WASHC5: variants seen among roughly 807,000 people sequenced by gnomAD.
WASHC5 encodes the protein WASH complex subunit 5, also known as WASH complex subunit strumpellin.
WASHC5 carries 101 observed loss-of-function variants against 150.4 expected under a neutral mutation model. That is an observed-to-expected ratio of 0.67 (90% CI 0.57 to 0.79). The LOEUF is 0.79. Ranked by LOEUF, WASHC5 falls within the 30% of genes least tolerant of loss-of-function variation. The probability of loss-of-function intolerance (pLI) is 0.00; values close to 1 mark genes in which losing one functional copy is unlikely to be tolerated. For synonymous variants in WASHC5, 467 were observed against 491.2 expected (o/e 0.95, Z 0.65); for missense variants, 1,195 against 1,396.3 (o/e 0.86, Z 2.30).
At chr8:125,082,986 A>C in intron 3 of WASHC5, 127 bp downstream of exon 3, 1 of 659,198 alleles carries the variant, frequency 1.5e-6, no homozygotes, top group Non-Finnish European at 2.6e-6. Flanking sequence ...GGAAAAGACA[A>C]CTATATACAG....
chr8:125,033,191 T>C lies in WASHC5; in HGVS notation c.3182-797A>G, dbSNP rs140165024. Among the ~76,000 whole-genome samples the C allele has an allele frequency of 1.6e-3, 247 of 152,264 alleles. 2 individuals carry two copies. The highest frequency in any genetic ancestry group is 5.4e-3 in the African/African-American group (226 of 41,540). ...ACACAATGTTGAAAAAGAACAGTGT[T>C]GGGAAGGTTTAGGTTGCCTGATTTC... On this transcript the variant is annotated intron_variant, in intron 26 of 28. Coordinates refer to ENST00000318410, the MANE Select transcript of WASHC5 (RefSeq NM_014846.4).
intron 17 of WASHC5, among the ~76,000 whole-genome samples, chr8:125,054,225 G>A (rs879132539): frequency 1.3e-5 from 2 of 152,136 alleles, no homozygotes; most frequent in Non-Finnish European, 2.9e-5. Flanking sequence ...ATTCTATGCA[G>A]CAGTAAAAAG....
chr8:125,086,173 A>G (rs759916615), intron 1 of WASHC5, among the ~76,000 whole-genome samples: 7 of 152,104 alleles, frequency 4.6e-5, no homozygotes, highest in Non-Finnish European at 1.0e-4. Context: ...AAACAACCAC[A>G]TTTATTTTGT....
chr8:125,061,866 T>A (rs78106685), intron 11 of WASHC5, among the ~76,000 whole-genome samples: 4,004 of 152,312 alleles, frequency 0.026, 182 homozygotes, highest in African/African-American at 0.092. Context: ...GTTAGCCATT[T>A]CCCAGATAAA....
At chr8:125,058,913 C>T (rs1816499469) in intron 14 of WASHC5, among the ~76,000 whole-genome samples, 2 of 151,916 alleles carry the variant, frequency 1.3e-5, no homozygotes, top group Admixed American at 1.3e-4. Context: ...TTAATTCATG[C>T]CTAGGGAATA....
chr8:125,038,302 C>T (rs1815778125), intron 25 of WASHC5, among the ~76,000 whole-genome samples: 2 of 152,228 alleles, frequency 1.3e-5, no homozygotes, highest in South Asian at 4.1e-4. Context: ...TGAATGTTTA[C>T]AGTAAGGAGG....
chr8:125,072,597 C>A (rs1816931915), intron 9 of WASHC5, among the ~76,000 whole-genome samples: 1 of 152,092 alleles, frequency 6.6e-6, no homozygotes, highest in South Asian at 2.1e-4. Flanking sequence ...TGGTTCTGAA[C>A]TCCTGGGCTC....
In WASHC5 at chr8:125,049,064, A is replaced by C; in HGVS notation, c.2321T>G (p.Val774Gly). 6.2e-7 allele frequency: 1 copy of C among 1,613,986 alleles called. No individual in the cohort carries two copies. Among genetic ancestry groups the C allele is most frequent in the Middle Eastern group, 1.6e-4 (1 of 6,062 alleles). Reference sequence around the variant, plus strand: ...CACGTTGTAATTTATGATACGAGATACTTCTTCCTGCCAAATCTTCAGACC... The same window carrying C: ...CACGTTGTAATTTATGATACGAGATCCTTCTTCCTGCCAAATCTTCAGACC... ...IYGLKIWQEE[V>G]SRIINYNVEQ... The change falls in exon 19 of 29, where the codon GTA becomes GGA. Residue 774 changes from valine (V) to glycine (G), a missense_variant. Physicochemically the swap from Val to Gly is moderately radical, Grantham distance 109. This residue lies in a region of WASHC5 where 997 missense variants were observed against 1,168.1 expected (regional missense o/e 0.85). Transcript: ENST00000318410.
At chr8:125,085,514 A>G (rs2130229650) in intron 1 of WASHC5, among the ~76,000 whole-genome samples, 1 of 152,336 alleles carries the variant, frequency 6.6e-6, no homozygotes, top group African/African-American at 2.4e-5. Context: ...AAGCCAAGTA[A>G]CAAGGAAAAG....
rs1222304839 is a variant in WASHC5 at position 125,035,756 on chromosome 8, G to A, written c.3181+1481C>T. ...CTAGAATCAATGATTACTTTTGAAT[G>A]AGAGAATAAAAACATTAAAGAGATT... is the stretch of plus-strand genomic sequence containing the variant. On this transcript the variant is annotated intron_variant, in intron 26 of 28. Transcript: ENST00000318410. 2.0e-5 allele frequency among the ~76,000 whole-genome samples: 3 copies of A among 151,654 alleles called. No homozygotes were observed. The East Asian group carries it at 5.8e-4, about 29-fold the overall frequency.
intron 7 of WASHC5, among the ~76,000 whole-genome samples, chr8:125,075,475 T>TA (rs765431444): frequency 1.3e-5 from 2 of 152,230 alleles, no homozygotes; most frequent in African/African-American, 2.4e-5. Context: ...GTGTGTATCT[T>TA]ACAGGTTTCA....
intron 26 of WASHC5, among the ~76,000 whole-genome samples, chr8:125,036,918 C>T (rs1815724719): frequency 6.6e-6 from 1 of 152,116 alleles, no homozygotes; most frequent in African/African-American, 2.4e-5. Context: ...GAGGCTGAGG[C>T]AGGAGAATCG....
At chr8:125,036,971 C>T (rs1241920605) in intron 26 of WASHC5, among the ~76,000 whole-genome samples, 1 of 152,106 alleles carries the variant, frequency 6.6e-6, no homozygotes, top group East Asian at 1.9e-4. Flanking sequence ...TGAGACCACG[C>T]CATCGCGCTC....
chr8:125,082,091 TTAGTATGTAC>T (rs1458355451), intron 4 of WASHC5, among the ~76,000 whole-genome samples: 6 of 152,212 alleles, frequency 3.9e-5, no homozygotes, highest in African/African-American at 1.4e-4. Flanking sequence ...TCTTAAATGG[TTAGTATGTAC>T]TAGGTATCAG....
intron 14 of WASHC5, among the ~76,000 whole-genome samples, chr8:125,058,722 CA>C (rs760777607): frequency 2.5e-4 from 33 of 130,192 alleles, no homozygotes; most frequent in South Asian, 2.5e-4. Flanking sequence ...GATTCCATCT[CA>C]AAAAAAAAAA....
At chr8:125,036,877 G>T (rs549737824) in intron 26 of WASHC5, among the ~76,000 whole-genome samples, 2 of 152,182 alleles carry the variant, frequency 1.3e-5, no homozygotes, top group South Asian at 4.1e-4. Flanking sequence ...GATGGGCGTG[G>T]TAGTACGTGC....
At chr8:125,062,206 C>T (rs1202970851) in intron 11 of WASHC5, among the ~76,000 whole-genome samples, 1 of 152,064 alleles carries the variant, frequency 6.6e-6, no homozygotes, top group African/African-American at 2.4e-5. Context: ...CCCAGGCTCT[C>T]CACCTTTGTA....
chr8:125,024,359 A>G lies in WASHC5; in HGVS notation c.*258T>C. On this transcript the variant is annotated 3_prime_UTR_variant, in exon 29 of 29. Coordinates refer to ENST00000318410, the MANE Select transcript of WASHC5 (RefSeq NM_014846.4). ...GGATTTATACATAACAGTTACATTC[A>G]GCATTTAAGAGAGGCAGTACAAAAA... is the stretch of plus-strand genomic sequence containing the variant. 1.8e-6 allele frequency: 1 copy of G among 540,944 alleles called. No individual in the cohort carries two copies. Among genetic ancestry groups the G allele is most frequent in the Middle Eastern group, 5.1e-4 (1 of 1,958 alleles). The allele number at this position is 540,944 out of a possible 1,614,324, so 33.5% of individuals were successfully genotyped here. A position where few individuals can be genotyped will look rare whatever the true frequency, so the allele number is the denominator to read the frequency against.
Position 125,030,025 on chromosome 8 carries a change from G to T in WASHC5, c.3336-1318C>A, listed in dbSNP as rs116767111. On this transcript the variant is annotated intron_variant, in intron 27 of 28. Transcript: ENST00000318410. ...TTCCTTTGCTCTGCTGAATCAGAAA[G>T]CCTGACTTACAGCTGGTCTCCTGTA... is the stretch of plus-strand genomic sequence containing the variant. Among the ~76,000 whole-genome samples the T allele has an allele frequency of 3.7e-3, 559 of 152,278 alleles. 1 individual carries two copies. The highest frequency in any genetic ancestry group is 0.013 in the African/African-American group (525 of 41,556).
Sources: gnomAD v4.1 joint callset for allele counts (sites outside exome capture counted in the v4.1 genomes callset) on GRCh38, gnomAD v4.1.1 for gene constraint, gnomAD v4.1.1 regional missense constraint, MANE v1.5 for transcripts, NCBI Gene and HGNC (gene_info 2026-07-23, HGNC 2026-07-21) for gene names.